Variants in SMYD3 observed in about 807,000 individuals in gnomAD.
SMYD3 encodes SET and MYND domain containing 3.
A neutral mutation model predicts 57.7 loss-of-function variants in SMYD3; 36 were observed. The observed-to-expected ratio is 0.62, with a 90% CI of 0.48 to 0.82. SMYD3 has a LOEUF of 0.82. SMYD3 is among the 40% of genes least tolerant of loss of function. The pLI is 0.00. For synonymous variants in SMYD3, 211 were observed against 195.0 expected, an observed-to-expected ratio of 1.08 and a Z score of -0.68; for missense variants, 515 against 538.8, an observed-to-expected ratio of 0.96 and a Z score of 0.44.
chr1:245,798,899 C>T (rs968505276), intron 10 of SMYD3, among the ~76,000 whole-genome samples: 7 of 152,166 alleles, frequency 4.6e-5, no homozygotes, highest in African/African-American at 1.7e-4. Context: ...TCAGACCATG[C>T]CTTAGTGTTC....
chr1:246,480,999 A>C (rs536518695), intron 1 of SMYD3, among the ~76,000 whole-genome samples: 1 of 152,128 alleles, frequency 6.6e-6, no homozygotes, highest in South Asian at 2.1e-4. Context: ...AGGGTATCAC[A>C]ATATTGGCCA....
chr1:246,300,118 T>C (rs1007092002), intron 5 of SMYD3, among the ~76,000 whole-genome samples: 5 of 152,208 alleles, frequency 3.3e-5, no homozygotes, highest in Admixed American at 3.3e-4. Context: ...GCTGTGTATA[T>C]ACTAAATAAA....
chr1:246,125,190 T>G (rs2061492541), intron 5 of SMYD3, among the ~76,000 whole-genome samples: 1 of 152,212 alleles, frequency 6.6e-6, no homozygotes, highest in Non-Finnish European at 1.5e-5. Context: ...GGCAGCATAT[T>G]TAACACTGTG....
intron 5 of SMYD3, among the ~76,000 whole-genome samples, chr1:246,221,221 A>C (rs982803655): frequency 6.6e-6 from 1 of 152,122 alleles, no homozygotes; most frequent in Non-Finnish European, 1.5e-5. Context: ...TCTGCTAAGG[A>C]GCTGAACGCT....
At chr1:246,196,038 TA>T (rs769188870) in intron 5 of SMYD3, among the ~76,000 whole-genome samples, 2 of 151,588 alleles carry the variant, frequency 1.3e-5, no homozygotes, top group African/African-American at 4.8e-5. Flanking sequence ...CTTCTTTATT[TA>T]AAAAAAAACC....
intron 1 of SMYD3, among the ~76,000 whole-genome samples, chr1:246,431,758 G>T (rs566916311): frequency 3.3e-5 from 5 of 151,904 alleles, no homozygotes; most frequent in Non-Finnish European, 7.4e-5. Flanking sequence ...AATAAAAGGA[G>T]CAACTTTACA....
chr1:245,924,067 G>A (rs1181237847), intron 7 of SMYD3, among the ~76,000 whole-genome samples: 1 of 152,218 alleles, frequency 6.6e-6, no homozygotes, highest in Admixed American at 6.5e-5. Flanking sequence ...TGGCGCCAGA[G>A]AATGCTGGCA....
chr1:246,014,758 C>T (rs372201553), intron 5 of SMYD3, among the ~76,000 whole-genome samples: 13 of 152,044 alleles, frequency 8.6e-5, no homozygotes, highest in Admixed American at 3.3e-4. Flanking sequence ...CCCTAAAATA[C>T]AGCGCTTTGA....
chr1:246,216,069 C>CA (rs1193031298), intron 5 of SMYD3, among the ~76,000 whole-genome samples: 1 of 152,022 alleles, frequency 6.6e-6, no homozygotes, highest in Non-Finnish European at 1.5e-5. Context: ...AGGGGCAGGT[C>CA]ATGAGGTCAG....
intron 10 of SMYD3, among the ~76,000 whole-genome samples, chr1:245,765,078 A>AAAAAAAAAAAAAAAAAAAAAC (rs1553315999): frequency 2.1e-5 from 3 of 139,626 alleles, no homozygotes; most frequent in African/African-American, 8.3e-5. Flanking sequence ...ACACACACAC[A>AAAAAAAAAAAAAAAAAAAAAC]AAACCACAGT....
At position 245,880,073 on chromosome 1, in the gene SMYD3, C is replaced by T. The variant is rs371651895; in HGVS notation, c.814-16187G>A. 1.9e-4 allele frequency among the ~76,000 whole-genome samples: 29 copies of T among 152,116 alleles called. No homozygotes were observed. The East Asian group carries it at 3.5e-3, about 18-fold the overall frequency. On this transcript the variant is annotated intron_variant, in intron 8 of 11. Transcript: ENST00000490107. ...GTACACGCCAGAGATAGCACAGGTG[C>T]GTTGCTGTACACGCCAGAGATAGCA...
At chr1:245,844,869 C>T (rs1045086016) in intron 10 of SMYD3, among the ~76,000 whole-genome samples, 7 of 151,926 alleles carry the variant, frequency 4.6e-5, no homozygotes, top group Non-Finnish European at 8.8e-5. Flanking sequence ...CACATACACA[C>T]GACATGGCTA....
chr1:245,875,446 G>C (rs974082932), intron 8 of SMYD3, among the ~76,000 whole-genome samples: 61 of 152,212 alleles, frequency 4.0e-4, no homozygotes, highest in African/African-American at 1.4e-3. Flanking sequence ...CCTACTACCA[G>C]AGAACTGCTC....
intron 5 of SMYD3, among the ~76,000 whole-genome samples, chr1:246,214,767 A>G (rs1211261824): frequency 6.6e-6 from 1 of 152,150 alleles, no homozygotes; most frequent in Non-Finnish European, 1.5e-5. Flanking sequence ...AAATCAAGAA[A>G]CAGAATCTTC....
At chr1:246,364,053 G>T (rs1396501139) in intron 1 of SMYD3, among the ~76,000 whole-genome samples, 1 of 152,140 alleles carries the variant, frequency 6.6e-6, no homozygotes, top group African/African-American at 2.4e-5. Context: ...TTTGAAGATG[G>T]AGGAAGACAC....
chr1:246,488,085 C>A (rs1281637643), intron 1 of SMYD3, among the ~76,000 whole-genome samples: 5 of 152,080 alleles, frequency 3.3e-5, no homozygotes, highest in African/African-American at 4.8e-5. Flanking sequence ...TTCATTAAAT[C>A]CTGCTCATTA....
At chr1:246,390,341 TAA>T (rs2066540432) in intron 1 of SMYD3, among the ~76,000 whole-genome samples, 3 of 151,290 alleles carry the variant, frequency 2.0e-5, no homozygotes, top group African/African-American at 7.3e-5. Flanking sequence ...TTACAAATCC[TAA>T]GATTGGCTTA....
At chr1:245,999,384 C>A (rs1184798634) in intron 5 of SMYD3, among the ~76,000 whole-genome samples, 1 of 152,120 alleles carries the variant, frequency 6.6e-6, no homozygotes, top group African/African-American at 2.4e-5. Flanking sequence ...ACTTGTATAA[C>A]CTTCATGGGA....
intron 1 of SMYD3, among the ~76,000 whole-genome samples, chr1:246,457,532 C>CAA (rs59617511): frequency 0.033 from 2,704 of 81,674 alleles, 83 homozygotes; most frequent in East Asian, 0.11. Flanking sequence ...GACTCTGCCT[C>CAA]AAAAAAAAAA....
Sources: allele counts gnomAD v4.1 joint callset (sites outside exome capture counted in the v4.1 genomes callset), GRCh38; gene constraint gnomAD v4.1.1; transcripts MANE v1.5; gene names NCBI Gene and HGNC (gene_info 2026-07-23, HGNC 2026-07-21).